Variants in PRRC2C observed in about 807,000 individuals in gnomAD.
PRRC2C encodes the protein proline rich coiled-coil 2C.
A neutral mutation model predicts 317.2 loss-of-function variants in PRRC2C; 72 were observed. The observed-to-expected ratio is 0.23, with a 90% CI of 0.19 to 0.28. The LOEUF is 0.28. Among genes scored for constraint, PRRC2C ranks in the 10% least tolerant of loss-of-function variants. PRRC2C has a pLI of 1.00. For synonymous variants in PRRC2C, 1,296 were observed against 1,205.9 expected (o/e 1.07, Z -1.55); for missense variants, 3,074 against 3,459.7 (o/e 0.89, Z 2.80).
chr1:171,532,475 C>T lies in PRRC2C; in HGVS notation c.1387C>T (p.Arg463Cys), dbSNP rs2102424598. ...ATCAGAAATTTCTGCAGCAGTAGAA[C>T]GTGCTCGTAAACGGCGTGAAGAGGA... Reference protein sequence around the residue: ...QQSEISAAVERARKRREEEER... With the variant: ...QQSEISAAVECARKRREEEER... The change falls in exon 12 of 35, where the codon CGT becomes TGT. Residue 463 changes from arginine to cysteine, a missense_variant. Arg to Cys is a radical substitution (Grantham distance 180). Coordinates refer to ENST00000647382, the MANE Select transcript of PRRC2C (RefSeq NM_001387844.1). 1 of 1,613,302 alleles carries T rather than the reference C, an allele frequency of 6.2e-7. No homozygotes were observed. Among genetic ancestry groups the T allele is most frequent in the Non-Finnish European group, 8.5e-7 (1 of 1,179,640 alleles).
chr1:171,502,360 A>G (rs1017303977), intron 1 of PRRC2C, among the ~76,000 whole-genome samples: 1 of 152,190 alleles, frequency 6.6e-6, no homozygotes. Flanking sequence ...GGGCCTTGAC[A>G]TACAATTTTT....
At chr1:171,520,333 A>G (rs1673323137) in intron 6 of PRRC2C, among the ~76,000 whole-genome samples, 1 of 152,062 alleles carries the variant, frequency 6.6e-6, no homozygotes, top group South Asian at 2.1e-4. Context: ...ATACCCAATT[A>G]CTTTTTTTCT....
intron 1 of PRRC2C, among the ~76,000 whole-genome samples, chr1:171,500,678 A>G (rs1412205956): frequency 6.6e-6 from 1 of 152,170 alleles, no homozygotes; most frequent in Non-Finnish European, 1.5e-5. Flanking sequence ...ATCACTGTTC[A>G]GTGTCATTCT....
chr1:171,577,271 C>T (rs955091327), intron 25 of PRRC2C, among the ~76,000 whole-genome samples, 163 bp from the exon 26 acceptor site: 1 of 152,136 alleles, frequency 6.6e-6, no homozygotes, highest in Non-Finnish European at 1.5e-5. Context: ...GTGATAATTA[C>T]CTTTTCTTTT....
At chr1:171,509,800 G>C (rs1299883648) in intron 1 of PRRC2C, 1 of 146,736 alleles carries the variant, frequency 6.8e-6, no homozygotes, top group African/African-American at 2.5e-5. Flanking sequence ...TATTTCTAGA[G>C]AAACATGGTT....
chr1:171,526,027 T>G (rs1453969076), intron 10 of PRRC2C, among the ~76,000 whole-genome samples: 1 of 152,216 alleles, frequency 6.6e-6, no homozygotes, highest in South Asian at 2.1e-4. Context: ...AATAACTTTT[T>G]TGTGTGACTT....
intron 24 of PRRC2C, among the ~76,000 whole-genome samples, chr1:171,572,861 A>G (rs1160812349): frequency 6.6e-6 from 1 of 152,258 alleles, no homozygotes; most frequent in African/African-American, 2.4e-5. Context: ...AGAAATATAC[A>G]CATTGAGAAT....
At chr1:171,590,715 A>G (rs1429620909) in intron 34 of PRRC2C, among the ~76,000 whole-genome samples, 1 of 152,198 alleles carries the variant, frequency 6.6e-6, no homozygotes, top group Non-Finnish European at 1.5e-5. Flanking sequence ...TAGGATTTCC[A>G]TCTGTTTGTT....
Position 171,557,431 on chromosome 1 carries a change from G to GCAACCTTAACTCCAGTTCCA in PRRC2C, c.5319_5320insCAACCTTAACTCCAGTTCCA (p.Ala1774GlnfsTer3). ...CAGCCTCAACCTCAGCTCCACTTCC[G>GCAACCTTAACTCCAGTTCCA]GCAACCTTAACTCCAGTTCCAGCCT... is the stretch of plus-strand genomic sequence containing the variant. On this transcript the variant is annotated stop_gained and frameshift_variant, in exon 19 of 35. Coordinates refer to ENST00000647382, the MANE Select transcript of PRRC2C (RefSeq NM_001387844.1). LOFTEE classifies it high-confidence loss of function. 3 of 1,551,196 alleles carry GCAACCTTAACTCCAGTTCCA rather than the reference G, an allele frequency of 1.9e-6. No homozygotes were observed. The highest frequency in any genetic ancestry group is 2.6e-6 in the Non-Finnish European group (3 of 1,146,904).
intron 22 of PRRC2C, among the ~76,000 whole-genome samples, chr1:171,567,560 G>A (rs777441020): frequency 6.6e-6 from 1 of 152,184 alleles, no homozygotes; most frequent in Non-Finnish European, 1.5e-5. Context: ...ATTTCAAAAT[G>A]AGATTTGTGA....
Position 171,545,473 on chromosome 1 carries a change from T to C in PRRC2C, c.4764-6T>C. The C allele has an allele frequency of 6.4e-7, 1 of 1,552,406 alleles. No homozygotes were observed. Among genetic ancestry groups the C allele is most frequent in the Non-Finnish European group, 8.7e-7 (1 of 1,147,756 alleles). On this transcript the variant is annotated splice_polypyrimidine_tract_variant and splice_region_variant and intron_variant, in intron 16 of 34. Coordinates refer to ENST00000647382, the MANE Select transcript of PRRC2C (RefSeq NM_001387844.1). ...AATAGTAATATCTCAAGTTATTTTT[T>C]TGTAGGCCATTTGATGACCAGCCTG...
chr1:171,519,624 T>C (rs1041182355), intron 6 of PRRC2C, among the ~76,000 whole-genome samples: 2 of 152,198 alleles, frequency 1.3e-5, no homozygotes. Flanking sequence ...TTTGTTTACT[T>C]TCAGCCCAAT....
rs776513569 is a variant in PRRC2C, at chr1:171,584,190, A to G, written c.7641+3A>G. On this transcript the variant is annotated splice_donor_region_variant and intron_variant, in intron 29 of 34. Transcript: ENST00000647382. ...TGATTGACACACATCTTCTCCAGGT[A>G]AGTCAGGGGACTAGAGCAATGCACC... is the stretch of plus-strand genomic sequence containing the variant. 3 of 1,605,040 alleles carry G rather than the reference A, an allele frequency of 1.9e-6. No individual in the cohort carries two copies. Among genetic ancestry groups the G allele is most frequent in the Non-Finnish European group, 1.7e-6 (2 of 1,171,876 alleles).
chr1:171,507,613 C>CA lies in PRRC2C; in HGVS notation c.-57-4409dup, dbSNP rs999836052. On this transcript the variant is annotated intron_variant, in intron 1 of 34. Transcript: ENST00000647382. Reference sequence around the variant, plus strand: ...TGGGCAACAGAGTTAGACTCTGTCTCAAAAAAAAAATCTCTACCTAATGCC... The same window carrying CA: ...TGGGCAACAGAGTTAGACTCTGTCTCAAAAAAAAAAATCTCTACCTAATGCC... 2.8e-3 allele frequency among the ~76,000 whole-genome samples: 417 copies of CA among 149,594 alleles called. 3 individuals are homozygous for CA. Among genetic ancestry groups the CA allele is most frequent in the African/African-American group, 9.3e-3 (382 of 40,882 alleles).
rs1344315168 is a variant in PRRC2C at position 171,592,020 on chromosome 1, A to C, written c.*173A>C. The C allele has an allele frequency of 1.3e-6, 1 of 791,668 alleles. No homozygotes were observed. Among genetic ancestry groups the C allele is most frequent in the Non-Finnish European group, 2.0e-6 (1 of 510,776 alleles). The allele number at this position is 791,668 out of a possible 1,614,324, so 49.0% of individuals were successfully genotyped here. Reference sequence around the variant, plus strand: ...TACACTGACACACAGCTGCTGTACCAGTGAAAACGAGGCTTTGCAAGCTTG... The same window carrying C: ...TACACTGACACACAGCTGCTGTACCCGTGAAAACGAGGCTTTGCAAGCTTG... On this transcript the variant is annotated 3_prime_UTR_variant, in exon 35 of 35. Transcript: ENST00000647382.
At chr1:171,499,730 G>A (rs1668752836) in intron 1 of PRRC2C, among the ~76,000 whole-genome samples, 1 of 152,104 alleles carries the variant, frequency 6.6e-6, no homozygotes, top group African/African-American at 2.4e-5. Flanking sequence ...CTTGAACCTG[G>A]GAGGCAGAAA....
rs550337005 is a variant in PRRC2C at position 171,574,164 on chromosome 1, CTT to C, written c.6754-762_6754-761del. The stretch of plus-strand genomic sequence containing the variant: ...ATATGAAATTTTAATATTAAAAAAA[CTT>C]ATAAAATATCAATTTATGTTCATTA... On this transcript the variant is annotated intron_variant, in intron 24 of 34. Coordinates refer to ENST00000647382, the MANE Select transcript of PRRC2C (RefSeq NM_001387844.1). 8.6e-5 allele frequency among the ~76,000 whole-genome samples: 13 copies of C among 151,766 alleles called. No homozygotes were observed. The South Asian group carries it at 2.3e-3, about 27-fold the overall frequency.
chr1:171,535,964 T>C (rs1676756541), intron 13 of PRRC2C, 65 bp from the exon 14 acceptor site: 2 of 1,517,092 alleles, frequency 1.3e-6, no homozygotes, highest in Non-Finnish European at 1.8e-6. Flanking sequence ...TTTTGTGATA[T>C]GATTGATTAT....
At chr1:171,568,101 CTT>C in intron 22 of PRRC2C, 144 bp from the exon 23 acceptor site, 1 of 1,227,580 alleles carries the variant, frequency 8.1e-7, no homozygotes, top group Non-Finnish European at 1.0e-6. Context: ...ACAAGAATCA[CTT>C]GAGCCTGGAA....
Sources: allele counts gnomAD v4.1 joint callset (sites outside exome capture counted in the v4.1 genomes callset), GRCh38; gene constraint gnomAD v4.1.1; transcripts MANE v1.5; gene names NCBI Gene and HGNC (gene_info 2026-07-23, HGNC 2026-07-21).